Variants in INPP4B observed in about 807,000 individuals in gnomAD.
INPP4B encodes inositol polyphosphate 4-phosphatase type II.
A neutral mutation model predicts 122.5 loss-of-function variants in INPP4B; 55 were observed. The observed-to-expected ratio is 0.45, with a 90% CI of 0.36 to 0.56. INPP4B has a LOEUF of 0.56. INPP4B is among the 20% of genes least tolerant of loss of function. The probability of loss-of-function intolerance (pLI) is 0.00; values close to 1 mark genes in which losing one functional copy is unlikely to be tolerated. For synonymous variants in INPP4B, 403 were observed against 388.7 expected (o/e 1.04, Z -0.43); for missense variants, 1,000 against 1,097.7 (o/e 0.91, Z 1.26).
At chr4:142,792,722 C>T (rs1776725989) in intron 1 of INPP4B, among the ~76,000 whole-genome samples, 1 of 152,142 alleles carries the variant, frequency 6.6e-6, no homozygotes, top group Non-Finnish European at 1.5e-5. Flanking sequence ...AGCACAGCAG[C>T]TTTCCAGGCC....
At chr4:142,068,743 A>G (rs1765173479) in intron 25 of INPP4B, among the ~76,000 whole-genome samples, 1 of 152,240 alleles carries the variant, frequency 6.6e-6, no homozygotes, top group Admixed American at 6.5e-5. Context: ...GAAGGCCATT[A>G]CATAATGGTA....
At chr4:142,295,736 CT>C (rs934556526) in intron 9 of INPP4B, among the ~76,000 whole-genome samples, 76 of 146,712 alleles carry the variant, frequency 5.2e-4, no homozygotes, top group Non-Finnish European at 8.3e-4. Context: ...TTCACTTTCC[CT>C]TTTTTTTTTC....
chr4:142,624,864 G>A (rs1370467932), intron 2 of INPP4B, among the ~76,000 whole-genome samples: 3 of 152,098 alleles, frequency 2.0e-5, no homozygotes, highest in African/African-American at 7.2e-5. Context: ...CATATAAACA[G>A]AATCAAAGAC....
At chr4:142,136,182 C>T (rs1224951012) in intron 18 of INPP4B, among the ~76,000 whole-genome samples, 1 of 152,050 alleles carries the variant, frequency 6.6e-6, no homozygotes, top group Non-Finnish European at 1.5e-5. Context: ...TCAGCCTCAC[C>T]CTGGCTCTTC....
chr4:142,379,056 C>T lies in INPP4B; in HGVS notation c.372+23882G>A, dbSNP rs553110751. On this transcript the variant is annotated intron_variant, in intron 7 of 25. Transcript: ENST00000262992. ...ATATTTTCTTAGGAAGCTGCTTCCT[C>T]ATATTCCAAAATGCCGATATAACTA... 4.6e-5 allele frequency among the ~76,000 whole-genome samples: 7 copies of T among 152,268 alleles called. No individual in the cohort carries two copies. In the East Asian group the frequency reaches 1.3e-3, roughly 29 times the overall value.
intron 2 of INPP4B, among the ~76,000 whole-genome samples, chr4:142,631,912 C>G (rs1748046213): frequency 6.6e-6 from 1 of 152,088 alleles, no homozygotes; most frequent in Non-Finnish European, 1.5e-5. Context: ...AACTTACAGA[C>G]AGAAGCATGG....
intron 2 of INPP4B, among the ~76,000 whole-genome samples, chr4:142,551,267 T>C (rs902972099): frequency 5.3e-5 from 8 of 152,232 alleles, no homozygotes; most frequent in Non-Finnish European, 1.2e-4. Flanking sequence ...TTACATGGCA[T>C]GGCAAGAAGC....
At chr4:142,253,352 C>A (rs1331525969) in intron 11 of INPP4B, among the ~76,000 whole-genome samples, 1 of 152,156 alleles carries the variant, frequency 6.6e-6, no homozygotes, top group Non-Finnish European at 1.5e-5. Flanking sequence ...ACAGAGGAGC[C>A]AAGATGGCCG....
intron 5 of INPP4B, 108 bp from the exon 6 acceptor site, chr4:142,405,432 C>A: frequency 2.9e-6 from 2 of 690,622 alleles, no homozygotes; most frequent in Non-Finnish European, 5.2e-6. Context: ...AAGGAAATCT[C>A]CTGGGGCTCA....
Position 142,086,113 on chromosome 4 carries a change from AG to A in INPP4B, c.2487+30del, listed in dbSNP as rs1776612095. 13 of 1,339,384 alleles carry A rather than the reference AG, an allele frequency of 9.7e-6. No individual in the cohort carries two copies. In the East Asian group the frequency reaches 3.0e-4, roughly 31 times the overall value. The allele number at this position is 1,339,384 out of a possible 1,614,324, so 83.0% of individuals were successfully genotyped here. A position where few individuals can be genotyped will look rare whatever the true frequency, so the allele number is the denominator to read the frequency against. On this transcript the variant is annotated intron_variant, in intron 24 of 25. Transcript: ENST00000262992. ...TAATATTTGCTGGTTATGACATGGC[AG>A]GAAATAAGATTTGACATGAGAGTGC...
chr4:142,369,462 C>T (rs1034747377), intron 7 of INPP4B, among the ~76,000 whole-genome samples: 12 of 151,442 alleles, frequency 7.9e-5, no homozygotes, highest in Non-Finnish European at 1.6e-4. Flanking sequence ...TGTAGTCCCC[C>T]GCTACTTGGG....
intron 1 of INPP4B, among the ~76,000 whole-genome samples, chr4:142,834,551 G>C (rs1001803585): frequency 5.9e-5 from 9 of 152,046 alleles, no homozygotes; most frequent in African/African-American, 2.2e-4. Context: ...AGGTCCTTGA[G>C]GGTACCTTCT....
intron 1 of INPP4B, among the ~76,000 whole-genome samples, chr4:142,735,968 T>C (rs370299362): frequency 2.5e-3 from 256 of 102,312 alleles, no homozygotes; most frequent in African/African-American, 8.2e-3. Flanking sequence ...CACACACACA[T>C]CCACCACTAT....
At chr4:142,304,055 A>G (rs554460485) in intron 9 of INPP4B, among the ~76,000 whole-genome samples, 1 of 152,098 alleles carries the variant, frequency 6.6e-6, no homozygotes, top group African/African-American at 2.4e-5. Context: ...GGGGCTTGTG[A>G]GTCAGTAAGA....
chr4:142,501,059 G>A (rs1280712161), intron 2 of INPP4B, among the ~76,000 whole-genome samples: 6 of 152,114 alleles, frequency 3.9e-5, no homozygotes, highest in African/African-American at 1.4e-4. Flanking sequence ...AATACTAACA[G>A]TAAAAAGATA....
At chr4:142,519,917 T>C (rs1459532035) in intron 2 of INPP4B, among the ~76,000 whole-genome samples, 3 of 152,074 alleles carry the variant, frequency 2.0e-5, no homozygotes, top group African/African-American at 7.2e-5. Flanking sequence ...ATCTCTGTAA[T>C]AGAATTGATT....
chr4:142,135,938 A>G (rs1803932779), intron 18 of INPP4B, among the ~76,000 whole-genome samples: 1 of 152,062 alleles, frequency 6.6e-6, no homozygotes, highest in African/African-American at 2.4e-5. Context: ...CTGGGACTAC[A>G]GGTGCCTGCC....
At chr4:142,245,337 T>C (rs533626962) in intron 11 of INPP4B, among the ~76,000 whole-genome samples, 4 of 152,306 alleles carry the variant, frequency 2.6e-5, no homozygotes, top group South Asian at 4.1e-4. Context: ...CCAAGGTTTT[T>C]ATGGTTTTAG....
chr4:142,025,703 A>G lies in INPP4B; in HGVS notation c.*3079T>C, dbSNP rs1736802767. 6.6e-6 allele frequency: 1 copy of G among 152,208 alleles called. No individual in the cohort carries two copies. The highest frequency in any genetic ancestry group is 2.4e-5 in the African/African-American group (1 of 41,450). The allele number at this position is 152,208 out of a possible 1,614,324, so 9.4% of individuals were successfully genotyped here. On this transcript the variant is annotated 3_prime_UTR_variant, in exon 26 of 26. Coordinates refer to ENST00000262992, the MANE Select transcript of INPP4B (RefSeq NM_001101669.3). ...AGGAAGTATCCTCCATCCAAATGCTAGCTTTTAAGCCTTCAGAGTTTTTCA... is the reference window on the plus strand; with the variant it reads ...AGGAAGTATCCTCCATCCAAATGCTGGCTTTTAAGCCTTCAGAGTTTTTCA...
Sources: allele counts gnomAD v4.1 joint callset (sites outside exome capture counted in the v4.1 genomes callset), GRCh38; gene constraint gnomAD v4.1.1; transcripts MANE v1.5; gene names NCBI Gene and HGNC (gene_info 2026-07-23, HGNC 2026-07-21).